The following ILDR2 variants were observed in gnomAD, a reference collection of about 807,000 sequenced individuals.
ILDR2 encodes the protein immunoglobulin-like domain-containing receptor 2.
In ILDR2, 25 loss-of-function variants were observed where a neutral mutation model predicts 66.8. The observed-to-expected ratio is 0.37, with a 90% CI of 0.27 to 0.52. The LOEUF (loss-of-function observed/expected upper bound fraction) is 0.52. Ranked by LOEUF, ILDR2 falls within the 20% of genes least tolerant of loss-of-function variation. The probability of loss-of-function intolerance (pLI) is 0.88; values close to 1 mark genes in which losing one functional copy is unlikely to be tolerated. For synonymous variants in ILDR2, 367 were observed against 357.2 expected (o/e 1.03, Z -0.31); for missense variants, 827 against 876.8 (o/e 0.94, Z 0.72).
chr1:166,935,537 A>C (rs1200671725), intron 5 of ILDR2, 60 bp from the exon 6 acceptor site: 7 of 1,448,728 alleles, frequency 4.8e-6, no homozygotes, highest in African/African-American at 2.9e-5. Context: ...CAACCCTCAC[A>C]CCAAAAATCC....
At chr1:166,941,297 A>C (rs1030705413) in intron 3 of ILDR2, among the ~76,000 whole-genome samples, 1 of 152,204 alleles carries the variant, frequency 6.6e-6, no homozygotes, top group Non-Finnish European at 1.5e-5. Context: ...TCTTGGAAGG[A>C]CAAGTAGGAG....
Position 166,922,800 on chromosome 1 carries a change from G to T in ILDR2, c.1004C>A (p.Thr335Asn). 1 of 1,614,056 alleles carries T rather than the reference G, an allele frequency of 6.2e-7. No individual in the cohort carries two copies. Among genetic ancestry groups the T allele is most frequent in the South Asian group, 1.1e-5 (1 of 91,072 alleles). Residue 335 changes from threonine to asparagine, a missense_variant, in exon 8 of 10, where the codon ACC becomes AAC. Physicochemically the swap from Thr to Asn is moderately conservative, Grantham distance 65. Coordinates refer to ENST00000271417, the MANE Select transcript of ILDR2 (RefSeq NM_199351.3). Reference sequence around the variant, plus strand: ...ATGTAGGGAGCTGAGTTCTGAGATGGTGTTGTTATCTGCAGGGACAAAATC... The same window carrying T: ...ATGTAGGGAGCTGAGTTCTGAGATGTTGTTGTTATCTGCAGGGACAAAATC... ...ARRMRGRYNN[T>N]ISELSSLHEE...
chr1:166,973,231 A>AG (rs1345633470), intron 1 of ILDR2, among the ~76,000 whole-genome samples: 2 of 152,176 alleles, frequency 1.3e-5, no homozygotes, highest in Admixed American at 1.3e-4. Context: ...AGGTGGCAGA[A>AG]GGCACAGACA....
At chr1:166,903,777 C>T (rs1365519025), downstream of ILDR2, among the ~76,000 whole-genome samples, 2 of 152,164 alleles carry the variant, frequency 1.3e-5, no homozygotes, top group African/African-American at 2.4e-5. Flanking sequence ...CTCAAACATT[C>T]TGAAATCATG....
intron 4 of ILDR2, among the ~76,000 whole-genome samples, chr1:166,937,470 T>A (rs1661053983): frequency 6.6e-6 from 1 of 152,278 alleles, no homozygotes; most frequent in African/African-American, 2.4e-5. Flanking sequence ...CTGCCCATGC[T>A]AGGCAGCCAA....
chr1:166,928,661 A>G (rs1421978697), intron 6 of ILDR2, among the ~76,000 whole-genome samples: 1 of 152,166 alleles, frequency 6.6e-6, no homozygotes, highest in African/African-American at 2.4e-5. Context: ...AAACCCTCCC[A>G]CGCAAGCTAT....
At chr1:166,961,177 C>T (rs1662588181) in intron 1 of ILDR2, among the ~76,000 whole-genome samples, 1 of 152,176 alleles carries the variant, frequency 6.6e-6, no homozygotes, top group South Asian at 2.1e-4. Flanking sequence ...TTGTGTGTTG[C>T]AGTGGTTTGG....
At chr1:166,896,696 C>T (rs1425765150) in intron 2 of ILDR2, among the ~76,000 whole-genome samples, 1 of 148,886 alleles carries the variant, frequency 6.7e-6, no homozygotes, top group Non-Finnish European at 1.5e-5. Flanking sequence ...AGTGCAATGG[C>T]ACGATTTTGG....
chr1:166,929,667 G>A (rs186336203), intron 6 of ILDR2, among the ~76,000 whole-genome samples: 1 of 152,294 alleles, frequency 6.6e-6, no homozygotes, highest in Non-Finnish European at 1.5e-5. Context: ...TGTATCCCCA[G>A]CACCTAGCAT....
intron 3 of ILDR2, among the ~76,000 whole-genome samples, chr1:166,948,007 A>AT (rs1159131399): frequency 6.6e-6 from 1 of 151,898 alleles, no homozygotes; most frequent in African/African-American, 2.4e-5. Flanking sequence ...TCTTAGGGCA[A>AT]TTTTTTCAGA....
At chr1:166,953,558 A>G (rs1223522587) in intron 3 of ILDR2, among the ~76,000 whole-genome samples, 1 of 152,216 alleles carries the variant, frequency 6.6e-6, no homozygotes, top group Non-Finnish European at 1.5e-5. Context: ...GCCACCATCA[A>G]TAGTTTTTTT....
At chr1:166,950,278 A>G (rs1661894757) in intron 3 of ILDR2, among the ~76,000 whole-genome samples, 1 of 152,138 alleles carries the variant, frequency 6.6e-6, no homozygotes. Flanking sequence ...CCACTCTCAG[A>G]GATCAAAGTT....
chr1:166,905,165 G>A (rs1268360441), downstream of ILDR2, among the ~76,000 whole-genome samples: 2 of 151,970 alleles, frequency 1.3e-5, no homozygotes, highest in Non-Finnish European at 2.9e-5. Flanking sequence ...ATAAATACTG[G>A]TTATACTCAA....
chr1:166,973,010 T>A (rs1050415842), intron 1 of ILDR2, among the ~76,000 whole-genome samples: 5 of 152,150 alleles, frequency 3.3e-5, no homozygotes, highest in African/African-American at 1.2e-4. Flanking sequence ...TCCTCTACTT[T>A]GCTGAGGCTG....
Position 166,958,094 on chromosome 1 carries a change from G to T in ILDR2, c.54C>A (p.Val18=). Residue 18 remains valine (V), a synonymous_variant, in exon 2 of 10, where the codon GTC becomes GTA. Transcript: ENST00000271417. ...WISLFWLTAM[V]EGLQVTVPDK... is the part of the protein sequence containing the mutation. ...CGGGCACTGTGACCTGAAGGCCTTC[G>T]ACCATGGCTGCAAAACAGAATAAAC... 2 of 1,607,218 alleles carry T rather than the reference G, an allele frequency of 1.2e-6. No homozygotes were observed. Among genetic ancestry groups the T allele is most frequent in the South Asian group, 1.1e-5 (1 of 90,878 alleles).
chr1:166,921,418 T>G lies in ILDR2; in HGVS notation c.1212-39A>C, dbSNP rs781592428. 1 of 1,488,620 alleles carries G rather than the reference T, an allele frequency of 6.7e-7. No individual in the cohort carries two copies. Among genetic ancestry groups the G allele is most frequent in the East Asian group, 2.3e-5 (1 of 42,918 alleles). The allele number at this position is 1,488,620 out of a possible 1,614,324, so 92.2% of individuals were successfully genotyped here. A position where few individuals can be genotyped will look rare whatever the true frequency, so the allele number is the denominator to read the frequency against. ...AGGAGGGGGTCAGACGGCCGGTCCC[T>G]CCCTGGAGCTCCAGGTAGGGCTCCC... On this transcript the variant is annotated intron_variant, in intron 8 of 9. Coordinates refer to ENST00000271417, the MANE Select transcript of ILDR2 (RefSeq NM_199351.3). The surrounding 1 kb of genome is among the most constrained non-coding windows in gnomAD (Gnocchi z 5.3).
intron 1 of ILDR2, among the ~76,000 whole-genome samples, chr1:166,961,484 A>G (rs940587417): frequency 6.6e-6 from 1 of 152,236 alleles, no homozygotes; most frequent in African/African-American, 2.4e-5. Flanking sequence ...TTTTTATAGC[A>G]TGATACTTAA....
At chr1:166,955,931 T>C (rs1362206096) in intron 3 of ILDR2, among the ~76,000 whole-genome samples, 1 of 152,258 alleles carries the variant, frequency 6.6e-6, no homozygotes, top group East Asian at 1.9e-4. Context: ...AACTACCTTT[T>C]TCCCTACAAT....
At chr1:166,946,535 T>C (rs1190814558) in intron 3 of ILDR2, among the ~76,000 whole-genome samples, 1 of 152,218 alleles carries the variant, frequency 6.6e-6, no homozygotes, top group Non-Finnish European at 1.5e-5. Context: ...CCTAAGGAGC[T>C]GACTTCTATT....
Sources: gnomAD v4.1 joint callset for allele counts (sites outside exome capture counted in the v4.1 genomes callset) on GRCh38, gnomAD v4.1.1 for gene constraint, Gnocchi (gnomAD v3.1) non-coding constraint, MANE v1.5 for transcripts, NCBI Gene and HGNC (gene_info 2026-07-23, HGNC 2026-07-21) for gene names.